Variants in CADPS observed in about 807,000 individuals in gnomAD.
CADPS encodes calcium dependent secretion activator.
CADPS carries 57 observed loss-of-function variants against 167.3 expected under a neutral mutation model. The ratio of observed to expected loss-of-function variants is 0.34; its 90% CI spans 0.28 to 0.42. The LOEUF is 0.42. Ranked by LOEUF, CADPS falls within the 20% of genes least tolerant of loss-of-function variation. The pLI is 1.00. For missense variants in CADPS, 1,414 were observed against 1,738.1 expected (o/e 0.81, Z 3.32); for synonymous variants, 676 against 635.3 (o/e 1.06, Z -0.96).
At chr3:62,749,576 T>C (rs1279232870) in intron 3 of CADPS, among the ~76,000 whole-genome samples, 1 of 152,194 alleles carries the variant, frequency 6.6e-6, no homozygotes, top group Non-Finnish European at 1.5e-5. Context: ...TGATACAATA[T>C]CATTTCTGTA....
intron 3 of CADPS, among the ~76,000 whole-genome samples, chr3:62,671,164 C>T (rs116266159): frequency 1.3e-5 from 2 of 152,128 alleles, no homozygotes; most frequent in Non-Finnish European, 2.9e-5. Context: ...AGATGGTACT[C>T]ATAAAGCACT....
intron 2 of CADPS, among the ~76,000 whole-genome samples, chr3:62,754,646 G>A (rs1384315328): frequency 6.6e-6 from 1 of 152,130 alleles, no homozygotes; most frequent in Non-Finnish European, 1.5e-5. Context: ...GTGCCAATAT[G>A]CCTCGATAAT....
intron 23 of CADPS, among the ~76,000 whole-genome samples, chr3:62,475,599 A>AAC (rs2061199532): frequency 2.0e-5 from 3 of 147,350 alleles, no homozygotes; most frequent in South Asian, 2.1e-4. Context: ...AAAAAAAAAA[A>AAC]AAAAAAAAAA....
intron 1 of CADPS, among the ~76,000 whole-genome samples, chr3:62,854,185 C>T (rs73097465): frequency 0.18 from 26,657 of 152,058 alleles, 2,634 homozygotes; most frequent in Middle Eastern, 0.29. Flanking sequence ...AACTCACAAG[C>T]TTAACACTTG....
intron 1 of CADPS, among the ~76,000 whole-genome samples, chr3:62,827,955 T>A: frequency 6.6e-6 from 1 of 152,148 alleles, no homozygotes. Context: ...ATTTTACAAA[T>A]AAGGAAAATG....
intron 2 of CADPS, among the ~76,000 whole-genome samples, chr3:62,756,126 T>C (rs1345537834): frequency 6.6e-6 from 1 of 151,688 alleles, no homozygotes; most frequent in African/African-American, 2.4e-5. Flanking sequence ...CGATCTTGGC[T>C]CACTCAACCT....
chr3:62,533,007 T>A lies in CADPS; in HGVS notation c.2155A>T (p.Asn719Tyr). 6.2e-7 allele frequency: 1 copy of A among 1,613,782 alleles called. No homozygotes were observed. The highest frequency in any genetic ancestry group is 8.5e-7 in the Non-Finnish European group (1 of 1,179,812). Reference sequence around the variant, plus strand: ...TGTCGGTGACACCCCCGGACTCCATTTCGGGCGCAATACTCGTCTAGTACA... The same window carrying A: ...TGTCGGTGACACCCCCGGACTCCATATCGGGCGCAATACTCGTCTAGTACA... Reference protein sequence around the residue: ...VFVLDEYCARNGVRGCHRHLC... With the variant: ...VFVLDEYCARYGVRGCHRHLC... The change falls in exon 13 of 30, where the codon AAT becomes TAT. Residue 719 changes from asparagine (N) to tyrosine (Y), a missense_variant. Physicochemically the swap from Asn to Tyr is moderately radical, Grantham distance 143 (BLOSUM62 -2). Transcript: ENST00000383710.
At chr3:62,809,624 AAGCACTT>A (rs1334608326) in intron 1 of CADPS, among the ~76,000 whole-genome samples, 1 of 152,162 alleles carries the variant, frequency 6.6e-6, no homozygotes, top group Non-Finnish European at 1.5e-5. Context: ...ACATTATACA[AAGCACTT>A]ATCACTCTCT....
chr3:62,666,597 C>T (rs184537300), intron 3 of CADPS, among the ~76,000 whole-genome samples: 14 of 152,224 alleles, frequency 9.2e-5, no homozygotes, highest in Admixed American at 2.6e-4. Context: ...AATAATCTTC[C>T]TACTAGAAGA....
chr3:62,668,939 A>G (rs1259591002), intron 3 of CADPS, among the ~76,000 whole-genome samples: 3 of 152,202 alleles, frequency 2.0e-5, no homozygotes, highest in African/African-American at 4.8e-5. Flanking sequence ...CAATCAGCTA[A>G]CTTCTAGTTT....
chr3:62,781,264 C>T (rs1252425092), intron 1 of CADPS, among the ~76,000 whole-genome samples: 6 of 152,200 alleles, frequency 3.9e-5, no homozygotes. Flanking sequence ...GCCACCAGCC[C>T]TTTAGCAGCT....
chr3:62,522,151 A>G (rs1404098358), intron 13 of CADPS, among the ~76,000 whole-genome samples: 1 of 150,786 alleles, frequency 6.6e-6, no homozygotes, highest in African/African-American at 2.5e-5. Context: ...CTATCTATCT[A>G]ACTATTGAGA....
chr3:62,704,969 T>A (rs1405143558), intron 3 of CADPS, among the ~76,000 whole-genome samples: 1 of 152,130 alleles, frequency 6.6e-6, no homozygotes. Context: ...AAAGATCAAG[T>A]GCACAGGAAC....
chr3:62,794,744 T>A (rs2152758053), intron 1 of CADPS, among the ~76,000 whole-genome samples: 1 of 142,004 alleles, frequency 7.0e-6, no homozygotes, highest in Non-Finnish European at 1.5e-5. Context: ...CTAGAGAATC[T>A]GTTGTTCATG....
chr3:62,845,922 A>C (rs2077350153), intron 1 of CADPS, among the ~76,000 whole-genome samples: 1 of 152,098 alleles, frequency 6.6e-6, no homozygotes, highest in Non-Finnish European at 1.5e-5. Context: ...TTGAATTGTA[A>C]TCCCTAATGT....
At position 62,536,594 on chromosome 3, in the gene CADPS, A is replaced by C; in HGVS notation, c.1967-13T>G. ...GCTCTATCTGCGTCTGTTCATTTATACATGTAGAGAGAGACACAATTTAGA... is the reference window on the plus strand; with the variant it reads ...GCTCTATCTGCGTCTGTTCATTTATCCATGTAGAGAGAGACACAATTTAGA... On this transcript the variant is annotated splice_polypyrimidine_tract_variant and intron_variant, in intron 11 of 29. Coordinates refer to ENST00000383710, the MANE Select transcript of CADPS (RefSeq NM_003716.4). 6.2e-7 allele frequency: 1 copy of C among 1,611,222 alleles called. No homozygotes were observed. The highest frequency in any genetic ancestry group is 1.3e-5 in the African/African-American group (1 of 74,884).
rs748357444 is a variant in CADPS at position 62,445,725 on chromosome 3, A to C, written c.3669+40T>G. On this transcript the variant is annotated intron_variant, in intron 27 of 29. Coordinates refer to ENST00000383710, the MANE Select transcript of CADPS (RefSeq NM_003716.4). ...AAAAGTAAAAATGAAAAAAAAAAAAAACAAAAAAACCCCATGAGAAACAAT... is the reference window on the plus strand; with the variant it reads ...AAAAGTAAAAATGAAAAAAAAAAAACACAAAAAAACCCCATGAGAAACAAT... 54 of 1,328,112 alleles carry C rather than the reference A, an allele frequency of 4.1e-5. 1 individual carries two copies. Among genetic ancestry groups the C allele is most frequent in the Admixed American group, 2.0e-4 (8 of 39,982 alleles). The allele number at this position is 1,328,112 out of a possible 1,614,324, so 82.3% of individuals were successfully genotyped here. A position where few individuals can be genotyped will look rare whatever the true frequency, so the allele number is the denominator to read the frequency against.
intron 6 of CADPS, among the ~76,000 whole-genome samples, chr3:62,593,335 T>C (rs866270346): frequency 4.6e-5 from 7 of 152,184 alleles, no homozygotes; most frequent in African/African-American, 9.7e-5. Context: ...TGCTCATAGT[T>C]TGTGGATATC....
intron 6 of CADPS, among the ~76,000 whole-genome samples, chr3:62,616,273 T>C (rs935472974): frequency 1.3e-5 from 2 of 152,186 alleles, no homozygotes; most frequent in Non-Finnish European, 1.5e-5. Context: ...AACATGAAAA[T>C]TCAGAGCTGT....
Sources: gnomAD v4.1 joint callset for allele counts (sites outside exome capture counted in the v4.1 genomes callset) on GRCh38, gnomAD v4.1.1 for gene constraint, MANE v1.5 for transcripts, NCBI Gene and HGNC (gene_info 2026-07-23, HGNC 2026-07-21) for gene names.